The following MBP variants were observed in gnomAD, a reference collection of about 807,000 sequenced individuals.
MBP encodes Golli-MBP.
A neutral mutation model predicts 35.8 loss-of-function variants in MBP; 16 were observed. The observed-to-expected ratio is 0.45, with a 90% CI of 0.30 to 0.68. The LOEUF (loss-of-function observed/expected upper bound fraction) is 0.68, where lower values mean the gene tolerates loss of function less well. MBP is among the 30% of genes least tolerant of loss of function. The pLI, the probability that MBP is intolerant of heterozygous loss-of-function variation, is 0.08. For synonymous variants in MBP, 143 were observed against 159.6 expected (o/e 0.90, Z 0.78); for missense variants, 380 against 404.7 (o/e 0.94, Z 0.52).
rs538546337 is a variant in MBP, at chr18:77,069,245, T to C, written c.52-2860A>G. Among the ~76,000 whole-genome samples, 6 of 152,318 alleles carry C rather than the reference T, an allele frequency of 3.9e-5. No individual in the cohort carries two copies. The South Asian group carries it at 8.3e-4, about 21-fold the overall frequency. ...CTGTTTCAGCAGAGGGAGCCAAAGA[T>C]AGCTGGCTATGTACACTTTTCATAT... is the stretch of plus-strand genomic sequence containing the variant. On this transcript the variant is annotated intron_variant, in intron 2 of 8. Coordinates refer to ENST00000355994, the MANE Select transcript of MBP (RefSeq NM_001025101.2).
intron 3 of MBP, among the ~76,000 whole-genome samples, chr18:77,059,510 T>G (rs1298752656): frequency 6.6e-6 from 1 of 150,842 alleles, no homozygotes; most frequent in Non-Finnish European, 1.5e-5. Context: ...CTAATGATAA[T>G]AATTTAACCT....
In MBP at chr18:77,101,047, C is replaced by T. The variant is rs1975988124; in HGVS notation, c.51+4164G>A. Among the ~76,000 whole-genome samples the T allele has an allele frequency of 6.6e-6, 1 of 152,216 alleles. No individual in the cohort carries two copies. The highest frequency in any genetic ancestry group is 2.4e-5 in the African/African-American group (1 of 41,452). On this transcript the variant is annotated intron_variant, in intron 2 of 8. Transcript: ENST00000355994. The surrounding 1 kb of genome is among the most constrained non-coding windows in gnomAD (Gnocchi z 4.3). The stretch of plus-strand genomic sequence containing the variant: ...CCCTCCCAAAGGTAACTGCCCAGCC[C>T]CTTTGATTCACACTGCCAAAAAGGA...
chr18:76,988,379 C>G lies in MBP; in HGVS notation c.750+116G>C. ...ATCCCAGCTGTGGGCAGAGAGGTCT[C>G]GAGAGGAGAGAAAAGGAGGCCAGGA... On this transcript the variant is annotated intron_variant, in intron 7 of 8. Transcript: ENST00000355994. The surrounding 1 kb of genome is among the most constrained non-coding windows in gnomAD (Gnocchi z 5.2). 2.5e-6 allele frequency: 4 copies of G among 1,613,054 alleles called. No individual in the cohort carries two copies. The highest frequency in any genetic ancestry group is 2.7e-5 in the African/African-American group (2 of 74,960).
chr18:77,003,829 C>T (rs1020921155), intron 4 of MBP: 11 of 152,152 alleles, frequency 7.2e-5, no homozygotes, highest in African/African-American at 2.4e-4. Context: ...TAAAGATGCT[C>T]AAAGGAGACA....
chr18:77,063,591 C>T (rs1004959937), intron 3 of MBP, among the ~76,000 whole-genome samples: 1 of 152,302 alleles, frequency 6.6e-6, no homozygotes, highest in African/African-American at 2.4e-5. Context: ...AGCCTTGCTC[C>T]GGTGTCCAAG....
At chr18:77,042,937 T>C (rs2144637227) in intron 3 of MBP, among the ~76,000 whole-genome samples, 1 of 152,334 alleles carries the variant, frequency 6.6e-6, no homozygotes, top group African/African-American at 2.4e-5. Context: ...GATATAATAA[T>C]TAGTCAAATG....
At chr18:77,080,135 T>A (rs965402119) in intron 2 of MBP, among the ~76,000 whole-genome samples, 1 of 152,244 alleles carries the variant, frequency 6.6e-6, no homozygotes. Context: ...AACTTATTGG[T>A]CAGCATTTTT....
At chr18:77,071,136 G>A (rs955107957) in intron 2 of MBP, among the ~76,000 whole-genome samples, 1 of 152,174 alleles carries the variant, frequency 6.6e-6, no homozygotes, top group African/African-American at 2.4e-5. Flanking sequence ...CTGTGAGAGA[G>A]GAAAACACTT....
At chr18:77,019,531 G>A (rs143926637) in intron 3 of MBP, among the ~76,000 whole-genome samples, 3 of 152,262 alleles carry the variant, frequency 2.0e-5, no homozygotes, top group Admixed American at 2.0e-4. Context: ...TAGAGCCTTC[G>A]GGGGAAGCAG....
intron 1 of MBP, among the ~76,000 whole-genome samples, chr18:77,106,674 C>T (rs553414459): frequency 2.0e-5 from 3 of 152,246 alleles, no homozygotes; most frequent in South Asian, 4.2e-4. Flanking sequence ...ATCAAAGACG[C>T]GGTTCTAGTG....
intron 3 of MBP, among the ~76,000 whole-genome samples, chr18:77,023,319 G>A (rs886793085): frequency 9.2e-5 from 14 of 152,338 alleles, no homozygotes; most frequent in African/African-American, 2.4e-4. Context: ...GAAAGGTCAC[G>A]TGGCCTCATT....
At position 76,984,896 on chromosome 18, in the gene MBP, T is replaced by C. The variant is rs112758532; in HGVS notation, c.751-2A>G. On this transcript the variant is annotated splice_acceptor_variant, in intron 7 of 8. Coordinates refer to ENST00000355994, the MANE Select transcript of MBP (RefSeq NM_001025101.2). LOFTEE classifies it high-confidence loss of function. ...TCCTGGTCTCTGGCCTTCGGCCCCC[T>C]GCAAGAGAAGACCACGGAGCTCAAC... The C allele has an allele frequency of 6.2e-7, 1 of 1,613,068 alleles. No homozygotes were observed.
At chr18:77,084,808 C>A (rs1225599281) in intron 2 of MBP, among the ~76,000 whole-genome samples, 4 of 152,180 alleles carry the variant, frequency 2.6e-5, no homozygotes, top group Non-Finnish European at 5.9e-5. Flanking sequence ...ACCAGTGTCA[C>A]CATCAGACTG....
At position 77,054,779 on chromosome 18, in the gene MBP, G is replaced by T. The variant is rs374092832; in HGVS notation, c.139+11519C>A. ...GCACACATCTCAAATTCCAATTCCT[G>T]TTAGCGGCGGGTGACGTCACCATGC... On this transcript the variant is annotated intron_variant, in intron 3 of 8. Coordinates refer to ENST00000355994, the MANE Select transcript of MBP (RefSeq NM_001025101.2). Among the ~76,000 whole-genome samples, 30 of 152,262 alleles carry T rather than the reference G, an allele frequency of 2.0e-4. No homozygotes were observed. The East Asian group carries it at 4.8e-3, about 24-fold the overall frequency.
At chr18:77,095,269 T>G (rs1458205789) in intron 2 of MBP, 1 of 152,226 alleles carries the variant, frequency 6.6e-6, no homozygotes, top group Non-Finnish European at 1.5e-5. Context: ...GTGAGTGTCT[T>G]TAGCCCCTAC....
At chr18:76,982,179 T>C (rs470724) in intron 8 of MBP, 104,328 of 152,168 alleles carry the variant, frequency 0.69, 35,865 homozygotes, top group African/African-American at 0.73. Context: ...TCTTTATAGC[T>C]CAGGAGCCAA....
intron 3 of MBP, among the ~76,000 whole-genome samples, chr18:77,040,829 T>C (rs1972961103): frequency 6.6e-6 from 1 of 152,214 alleles, no homozygotes; most frequent in Admixed American, 6.5e-5. Context: ...ATAAAATTCC[T>C]AGAAGAAAAC....
At chr18:77,105,050 A>T (rs1376893999) in intron 2 of MBP, among the ~76,000 whole-genome samples, 161 bp downstream of exon 2, 5 of 122,968 alleles carry the variant, frequency 4.1e-5, no homozygotes, top group East Asian at 2.7e-4. Context: ...AATAAATCAT[A>T]ATTAATTATT....
Position 77,009,737 on chromosome 18 carries a change from G to A in MBP, c.576+7095C>T, listed in dbSNP as rs944846697. 3.2e-6 allele frequency: 3 copies of A among 935,818 alleles called. No individual in the cohort carries two copies. In the African/African-American group the frequency reaches 5.0e-5, roughly 16 times the overall value. The allele number at this position is 935,818 out of a possible 1,614,324, so 58.0% of individuals were successfully genotyped here. On this transcript the variant is annotated intron_variant, in intron 4 of 8. Coordinates refer to ENST00000355994, the MANE Select transcript of MBP (RefSeq NM_001025101.2). ...CGGCCTCACAGATGCCCCGGAGGCT[G>A]GGGGTGGGCCCCTGGCAGTGACACT...
Sources: gnomAD v4.1 joint callset for allele counts (sites outside exome capture counted in the v4.1 genomes callset) on GRCh38, gnomAD v4.1.1 for gene constraint, Gnocchi (gnomAD v3.1) non-coding constraint, MANE v1.5 for transcripts, NCBI Gene and HGNC (gene_info 2026-07-23, HGNC 2026-07-21) for gene names.